Variants in CDH13 observed in about 807,000 individuals in gnomAD.
CDH13 encodes cadherin 13.
In CDH13, 24 loss-of-function variants were observed where a neutral mutation model predicts 63.8. The ratio of observed to expected loss-of-function variants is 0.38; its 90% CI spans 0.27 to 0.53. The LOEUF is 0.53. Ranked by LOEUF, CDH13 falls within the 20% of genes least tolerant of loss-of-function variation. The pLI, the probability that CDH13 is intolerant of heterozygous loss-of-function variation, is 0.85. For missense variants in CDH13, 1,049 were observed against 903.1 expected (o/e 1.16, Z -2.07); for synonymous variants, 503 against 355.3 (o/e 1.42, Z -4.67).
intron 7 of CDH13, among the ~76,000 whole-genome samples, chr16:83,520,178 G>A (rs1855100782): frequency 6.6e-6 from 1 of 152,124 alleles, no homozygotes; most frequent in East Asian, 1.9e-4. Context: ...GACAGAATAA[G>A]TCAATGACTA....
chr16:83,343,118 T>C (rs2090764081), intron 5 of CDH13, among the ~76,000 whole-genome samples: 1 of 152,114 alleles, frequency 6.6e-6, no homozygotes. Context: ...GCACCAGAAA[T>C]CAAGTATGTA....
intron 4 of CDH13, among the ~76,000 whole-genome samples, chr16:83,158,136 A>G (rs1320264225): frequency 2.0e-5 from 3 of 152,068 alleles, no homozygotes; most frequent in African/African-American, 7.2e-5. Context: ...AAGATCAGGA[A>G]GAGTCCCTTC....
intron 8 of CDH13, 112 bp downstream of exon 8, chr16:83,602,706 C>A: frequency 9.3e-7 from 1 of 1,080,294 alleles, no homozygotes; most frequent in Non-Finnish European, 1.4e-6. Flanking sequence ...AATCAAAATA[C>A]TCCTTTGTGG....
rs534844456 is a variant in CDH13, at chr16:82,858,335, A to C, written c.46-27A>C. 4.0e-6 allele frequency: 6 copies of C among 1,508,856 alleles called. No individual in the cohort carries two copies. In the South Asian group the frequency reaches 6.8e-5, roughly 17 times the overall value. The allele number at this position is 1,508,856 out of a possible 1,614,324, so 93.5% of individuals were successfully genotyped here. A position where few individuals can be genotyped will look rare whatever the true frequency, so the allele number is the denominator to read the frequency against. On this transcript the variant is annotated intron_variant, in intron 1 of 13. Transcript: ENST00000567109. Reference sequence around the variant, plus strand: ...AGGGCAAACACATAAGCCGCTATTAAAATATTGATGGCTTTGGTTTTCTCA... The same window carrying C: ...AGGGCAAACACATAAGCCGCTATTACAATATTGATGGCTTTGGTTTTCTCA...
At chr16:82,687,934 C>G (rs1319542319) in intron 1 of CDH13, among the ~76,000 whole-genome samples, 1 of 152,154 alleles carries the variant, frequency 6.6e-6, no homozygotes, top group Non-Finnish European at 1.5e-5. Context: ...TGGACTCAGA[C>G]ATGCTTGGGA....
intron 7 of CDH13, among the ~76,000 whole-genome samples, chr16:83,550,645 C>G (rs1166045580): frequency 1.3e-5 from 2 of 152,190 alleles, no homozygotes; most frequent in African/African-American, 2.4e-5. Context: ...TGATGAATGT[C>G]TAGCAAAGTT....
intron 6 of CDH13, among the ~76,000 whole-genome samples, chr16:83,457,671 T>C (rs78431107): frequency 6.6e-6 from 1 of 152,024 alleles, no homozygotes; most frequent in East Asian, 1.9e-4. Context: ...GGCTTGAGGC[T>C]GAAAGACAGG....
chr16:83,108,740 G>T (rs1031211028), intron 3 of CDH13, among the ~76,000 whole-genome samples: 1 of 152,130 alleles, frequency 6.6e-6, no homozygotes, highest in Non-Finnish European at 1.5e-5. Flanking sequence ...CTTAGGCTTT[G>T]CAGTTAGAAC....
intron 2 of CDH13, among the ~76,000 whole-genome samples, chr16:82,968,562 A>T (rs1250541029): frequency 2.6e-5 from 4 of 152,090 alleles, no homozygotes; most frequent in African/African-American, 7.2e-5. Flanking sequence ...GTTTCTCTCC[A>T]CTTTTTAACA....
Position 83,800,029 on chromosome 16 carries a change from C to G in CDH13, c.*4999C>G, listed in dbSNP as rs1362040349. 1.3e-5 allele frequency: 2 copies of G among 152,214 alleles called. No individual in the cohort carries two copies. Among genetic ancestry groups the G allele is most frequent in the Non-Finnish European group, 2.9e-5 (2 of 68,042 alleles). 9.4% of individuals were successfully genotyped at this position (152,214 alleles called of 1,614,324 possible). Reference sequence around the variant, plus strand: ...AAGTAAGCGGAAAAATTTCCTCTCTCTCATACTATGTTGCTATCATCACAT... The same window carrying G: ...AAGTAAGCGGAAAAATTTCCTCTCTGTCATACTATGTTGCTATCATCACAT... On this transcript the variant is annotated 3_prime_UTR_variant, in exon 14 of 14. Transcript: ENST00000567109.
At chr16:83,180,244 T>C (rs2038295768) in intron 4 of CDH13, among the ~76,000 whole-genome samples, 2 of 152,198 alleles carry the variant, frequency 1.3e-5, no homozygotes, top group South Asian at 4.1e-4. Flanking sequence ...AGAACTGAAA[T>C]GGTTTTGGGG....
chr16:82,650,124 C>T (rs11866737), intron 1 of CDH13, among the ~76,000 whole-genome samples: 2 of 152,086 alleles, frequency 1.3e-5, no homozygotes, highest in African/African-American at 4.8e-5. Context: ...CAAGTAGTTA[C>T]CTCTCCTGTC....
At chr16:83,602,120 A>C (rs1567797559) in intron 7 of CDH13, among the ~76,000 whole-genome samples, 4 of 119,150 alleles carry the variant, frequency 3.4e-5, no homozygotes, top group African/African-American at 1.1e-4. Flanking sequence ...AAAAAAAAAA[A>C]AAAAAAAAAA....
At chr16:82,990,488 C>T (rs927423949) in intron 2 of CDH13, among the ~76,000 whole-genome samples, 4 of 151,844 alleles carry the variant, frequency 2.6e-5, no homozygotes, top group Admixed American at 6.6e-5. Context: ...GGCAGTCTAG[C>T]CAAGGAAGCC....
rs139455816 is a variant in CDH13, at chr16:83,050,298, C to T, written c.366+18080C>T. The stretch of plus-strand genomic sequence containing the variant: ...ATGTTCAACTCTTTGAGAAACCACC[C>T]AACTGTCCCCTAGGAGTGGAATTGC... On this transcript the variant is annotated intron_variant, in intron 3 of 13. Transcript: ENST00000567109. Among the ~76,000 whole-genome samples the T allele has an allele frequency of 7.0e-3, 1,070 of 152,192 alleles. 13 individuals are homozygous for T. Among genetic ancestry groups the T allele is most frequent in the African/African-American group, 0.024 (999 of 41,520 alleles).
chr16:83,082,611 T>C (rs927031054), intron 3 of CDH13, among the ~76,000 whole-genome samples: 8 of 152,240 alleles, frequency 5.3e-5, no homozygotes, highest in Admixed American at 2.6e-4. Context: ...GCCACTGCAT[T>C]CCAGCCTGGG....
chr16:82,716,486 C>G lies in CDH13; in HGVS notation c.45+89349C>G, dbSNP rs536730430. Among the ~76,000 whole-genome samples, 8 of 151,228 alleles carry G rather than the reference C, an allele frequency of 5.3e-5. No individual in the cohort carries two copies. The South Asian group carries it at 1.5e-3, about 28-fold the overall frequency. On this transcript the variant is annotated intron_variant, in intron 1 of 13. Coordinates refer to ENST00000567109, the MANE Select transcript of CDH13 (RefSeq NM_001257.5). ...AGCCAAAAGAAAATCCAGAAGGGAG[C>G]CACAAAAAATTATTAAACAGTTGTA...
chr16:83,000,746 AT>A (rs1181433019), intron 2 of CDH13, among the ~76,000 whole-genome samples: 2 of 151,552 alleles, frequency 1.3e-5, no homozygotes, highest in African/African-American at 4.8e-5. Context: ...TGCCCGGCTA[AT>A]TTTTTGTATT....
intron 6 of CDH13, among the ~76,000 whole-genome samples, chr16:83,466,646 G>C (rs1873142): frequency 0.11 from 17,102 of 152,212 alleles, 1,197 homozygotes; most frequent in Admixed American, 0.2. Context: ...GAAACGGAGT[G>C]GGGGGCTCAG....
Sources: gnomAD v4.1 joint callset for allele counts (sites outside exome capture counted in the v4.1 genomes callset) on GRCh38, gnomAD v4.1.1 for gene constraint, MANE v1.5 for transcripts, NCBI Gene and HGNC (gene_info 2026-07-23, HGNC 2026-07-21) for gene names.